The following SEPTIN9 variants were observed in gnomAD, a reference collection of about 807,000 sequenced individuals.
SEPTIN9 encodes septin 9.
In SEPTIN9, 13 loss-of-function variants were observed where a neutral mutation model predicts 56.6. The ratio of observed to expected loss-of-function variants is 0.23; its 90% confidence interval spans 0.15 to 0.37. The LOEUF (loss-of-function observed/expected upper bound fraction) is 0.37, where lower values mean the gene tolerates loss of function less well. Ranked by LOEUF, SEPTIN9 falls within the 10% of genes least tolerant of loss-of-function variation. The pLI is 1.00. For synonymous variants in SEPTIN9, 332 were observed against 334.1 expected (o/e 0.99, Z 0.07); for missense variants, 650 against 823.1 (o/e 0.79, Z 2.57).
rs2034721703 is a variant in SEPTIN9, at chr17:77,371,613, G to A, written c.77-30446G>A. Among the ~76,000 whole-genome samples, 1 of 152,232 alleles carries A rather than the reference G, an allele frequency of 6.6e-6. No individual in the cohort carries two copies. Among genetic ancestry groups the A allele is most frequent in the Admixed American group, 6.5e-5 (1 of 15,288 alleles). On this transcript the variant is annotated intron_variant, in intron 2 of 11. Transcript: ENST00000427177. The surrounding 1 kb of genome is among the most constrained non-coding windows in gnomAD (Gnocchi z 4.1). Reference sequence around the variant, plus strand: ...TCCCCAAATACGGCGTGGACAGGTGGCCCAGTAGGGGCTGGACTATCCGAT... The same window carrying A: ...TCCCCAAATACGGCGTGGACAGGTGACCCAGTAGGGGCTGGACTATCCGAT...
intron 3 of SEPTIN9, among the ~76,000 whole-genome samples, chr17:77,477,123 T>G (rs1001504229): frequency 7.9e-6 from 1 of 126,486 alleles, no homozygotes; most frequent in Non-Finnish European, 1.6e-5. Context: ...TCCTTCCCCC[T>G]CCCTCCTTCC....
chr17:77,489,984 G>A (rs1027851112), intron 7 of SEPTIN9, among the ~76,000 whole-genome samples: 1 of 152,218 alleles, frequency 6.6e-6, no homozygotes, highest in African/African-American at 2.4e-5. Context: ...AGCCGAGGGC[G>A]GGCGGGCGGT....
At chr17:77,379,174 G>A (rs912340363) in intron 2 of SEPTIN9, among the ~76,000 whole-genome samples, 6 of 152,090 alleles carry the variant, frequency 3.9e-5, no homozygotes, top group Non-Finnish European at 5.9e-5. Flanking sequence ...CCAAGGCTGC[G>A]TGCTGCTTGC....
Position 77,487,115 on chromosome 17 carries a change from C to T in SEPTIN9, c.914-309C>T, listed in dbSNP as rs2039825763. Among the ~76,000 whole-genome samples, 1 of 152,228 alleles carries T rather than the reference C, an allele frequency of 6.6e-6. No individual in the cohort carries two copies. Among genetic ancestry groups the T allele is most frequent in the African/African-American group, 2.4e-5 (1 of 41,454 alleles). On this transcript the variant is annotated intron_variant, in intron 4 of 11. Coordinates refer to ENST00000427177, the MANE Select transcript of SEPTIN9 (RefSeq NM_001113491.2). This position sits in a 1 kb window ranked among gnomAD's most constrained non-coding sequence, Gnocchi z 4.3. ...AAAATCTGAGCCACCAGGAGACCTCCTGTCCAGAAAGCACAAGGGGCACAA... is the reference window on the plus strand; with the variant it reads ...AAAATCTGAGCCACCAGGAGACCTCTTGTCCAGAAAGCACAAGGGGCACAA...
Position 77,429,742 on chromosome 17 carries a change from C to T in SEPTIN9, c.721+27039C>T, listed in dbSNP as rs2037057166. Reference sequence around the variant, plus strand: ...CTGGTTTTCAAGTGAGCATCCTGAGCTGCGGGGACCCAGGGGGTCTTAGAG... The same window carrying T: ...CTGGTTTTCAAGTGAGCATCCTGAGTTGCGGGGACCCAGGGGGTCTTAGAG... On this transcript the variant is annotated intron_variant, in intron 3 of 11. Transcript: ENST00000427177. The surrounding 1 kb of genome is among the most constrained non-coding windows in gnomAD (Gnocchi z 5.2). Among the ~76,000 whole-genome samples the T allele has an allele frequency of 6.6e-6, 1 of 152,110 alleles. No homozygotes were observed. Among genetic ancestry groups the T allele is most frequent in the Admixed American group, 6.5e-5 (1 of 15,280 alleles).
intron 2 of SEPTIN9, among the ~76,000 whole-genome samples, chr17:77,347,742 T>C (rs549603096): frequency 2.6e-4 from 40 of 152,252 alleles, no homozygotes; most frequent in African/African-American, 9.1e-4. Context: ...GTAGAAACTG[T>C]ACTTTAAGTA....
chr17:77,483,003 T>G, intron 4 of SEPTIN9: 1 of 173,094 alleles, frequency 5.8e-6, no homozygotes. Flanking sequence ...GCTGCCAAGG[T>G]TCCTTAGCTC....
intron 2 of SEPTIN9, among the ~76,000 whole-genome samples, chr17:77,392,842 C>T: frequency 6.6e-6 from 1 of 152,138 alleles, no homozygotes; most frequent in Non-Finnish European, 1.5e-5. Context: ...AGCCTGGGGG[C>T]CGCCCTCCAC....
chr17:77,355,758 G>A (rs887788676), intron 2 of SEPTIN9, among the ~76,000 whole-genome samples: 4 of 151,976 alleles, frequency 2.6e-5, no homozygotes, highest in East Asian at 1.9e-4. Flanking sequence ...CGAGGTGGGC[G>A]GATCACAAGG....
intron 2 of SEPTIN9, among the ~76,000 whole-genome samples, chr17:77,378,327 T>C (rs1396664838): frequency 2.0e-5 from 3 of 152,106 alleles, no homozygotes; most frequent in Non-Finnish European, 4.4e-5. Context: ...CACTCTGCCA[T>C]TGGAAAGCTG....
At chr17:77,392,930 G>A (rs2035591861) in intron 2 of SEPTIN9, among the ~76,000 whole-genome samples, 1 of 152,004 alleles carries the variant, frequency 6.6e-6, no homozygotes, top group Non-Finnish European at 1.5e-5. Flanking sequence ...TTTCCTTTTG[G>A]ACGGTTTTGC....
chr17:77,342,084 A>C (rs928211421), intron 2 of SEPTIN9, among the ~76,000 whole-genome samples: 2 of 151,980 alleles, frequency 1.3e-5, no homozygotes, highest in Admixed American at 6.6e-5. Context: ...CAAAAAAAAA[A>C]AAACAAAGAA....
intron 1 of SEPTIN9, among the ~76,000 whole-genome samples, chr17:77,304,953 G>A (rs989712442): frequency 1.3e-5 from 2 of 152,104 alleles, no homozygotes; most frequent in Non-Finnish European, 2.9e-5. Context: ...TGGGAGTGGG[G>A]TTCATCCTCC....
chr17:77,454,376 T>TCC (rs1461105282), intron 3 of SEPTIN9: 4 of 985,506 alleles, frequency 4.1e-6, no homozygotes, highest in Admixed American at 1.2e-4. Context: ...AGGGACCTGT[T>TCC]CCCGGAGCTC....
intron 3 of SEPTIN9, among the ~76,000 whole-genome samples, chr17:77,440,398 G>A (rs60029118): frequency 2.6e-5 from 4 of 152,142 alleles, no homozygotes; most frequent in African/African-American, 4.8e-5. Flanking sequence ...CAGGTGATCC[G>A]CCTGCCTTCG....
At chr17:77,343,923 A>G (rs574606532) in intron 2 of SEPTIN9, among the ~76,000 whole-genome samples, 1 of 152,240 alleles carries the variant, frequency 6.6e-6, no homozygotes, top group Non-Finnish European at 1.5e-5. Flanking sequence ...AGAAGCAGCT[A>G]CTTTAGAAGA....
intron 10 of SEPTIN9, among the ~76,000 whole-genome samples, chr17:77,495,663 T>C (rs952570329): frequency 3.3e-5 from 5 of 152,212 alleles, no homozygotes; most frequent in Non-Finnish European, 7.3e-5. Flanking sequence ...AGCCCCATTC[T>C]TCCTGCCGGC....
intron 10 of SEPTIN9, 175 bp downstream of exon 10, chr17:77,493,251 C>A: frequency 1.6e-6 from 1 of 628,510 alleles, no homozygotes; most frequent in Non-Finnish European, 2.9e-6. Flanking sequence ...AGTGAGAGGG[C>A]AAGTGGCCTG....
rs1308579816 is a variant in SEPTIN9, at chr17:77,470,507, T to TACTCATCC, written c.722-11627_722-11620dup. Among the ~76,000 whole-genome samples, 9 of 151,370 alleles carry TACTCATCC rather than the reference T, an allele frequency of 5.9e-5. No homozygotes were observed. In the East Asian group the frequency reaches 1.6e-3, roughly 26 times the overall value. On this transcript the variant is annotated intron_variant, in intron 3 of 11. Coordinates refer to ENST00000427177, the MANE Select transcript of SEPTIN9 (RefSeq NM_001113491.2). ...CCACTCATCCACCCATTCACTCATC[T>TACTCATCC]ACTCATCCACTCATCCATCTATCCA...
Sources: gnomAD v4.1 joint callset for allele counts (sites outside exome capture counted in the v4.1 genomes callset) on GRCh38, gnomAD v4.1.1 for gene constraint, Gnocchi (gnomAD v3.1) non-coding constraint, MANE v1.5 for transcripts, NCBI Gene and HGNC (gene_info 2026-07-23, HGNC 2026-07-21) for gene names.